The following FAIM2 variants were observed in gnomAD, a reference collection of about 807,000 sequenced individuals.
FAIM2 encodes the protein protein lifeguard 2.
A neutral mutation model predicts 47.4 loss-of-function variants in FAIM2; 27 were observed. The observed-to-expected ratio is 0.57, with a 90% CI of 0.42 to 0.78. The LOEUF is 0.78. Ranked by LOEUF, FAIM2 falls within the 30% of genes least tolerant of loss-of-function variation. The pLI is 0.00. For synonymous variants in FAIM2, 156 were observed against 159.3 expected, an observed-to-expected ratio of 0.98 and a Z score of 0.16; for missense variants, 311 against 389.4, an observed-to-expected ratio of 0.80 and a Z score of 1.69.
In FAIM2 at chr12:49,870,625, A is replaced by G. The variant is rs1166967125; in HGVS notation, c.830T>C (p.Met277Thr). ...LFLALDTQLL[M>T]GNRRHSLSPE... Reference sequence around the variant, plus strand: ...GCTCAGCGAGTGGCGTCGGTTACCCATCAGCAACTGGGTGTCAAGTGCCAG... The same window carrying G: ...GCTCAGCGAGTGGCGTCGGTTACCCGTCAGCAACTGGGTGTCAAGTGCCAG... Residue 277 changes from methionine (M) to threonine (T), a missense_variant, in exon 12 of 12, where the codon ATG becomes ACG. By Grantham distance (81) the Met-to-Thr change is moderately conservative (BLOSUM62 -1). Transcript: ENST00000320634. 5 of 1,613,928 alleles carry G rather than the reference A, an allele frequency of 3.1e-6. No individual in the cohort carries two copies. The African/African-American group carries it at 4.0e-5, about 13-fold the overall frequency.
chr12:49,896,885 GC>G (rs1474812285), intron 5 of FAIM2, 145 bp downstream of exon 5: 3 of 715,566 alleles, frequency 4.2e-6, no homozygotes, highest in Non-Finnish European at 5.1e-6. Context: ...ACAGAATGGG[GC>G]AGGGTTGGAG....
At chr12:49,881,144 G>C (rs1398608906) in intron 11 of FAIM2, among the ~76,000 whole-genome samples, 1 of 152,158 alleles carries the variant, frequency 6.6e-6, no homozygotes, top group African/African-American at 2.4e-5. Flanking sequence ...TAGGCTTGCA[G>C]CATCCAGTAC....
rs1946684269 is a variant in FAIM2, at chr12:49,869,163, T to G, written c.*1341A>C. Reference sequence around the variant, plus strand: ...CGCTCCCCCAGTGTGGCCTCCTGGTTCCCTCCCCACAGGCGCCCCTCTGGG... The same window carrying G: ...CGCTCCCCCAGTGTGGCCTCCTGGTGCCCTCCCCACAGGCGCCCCTCTGGG... On this transcript the variant is annotated 3_prime_UTR_variant, in exon 12 of 12. Coordinates refer to ENST00000320634, the MANE Select transcript of FAIM2 (RefSeq NM_012306.4). 1 of 152,740 alleles carries G rather than the reference T, an allele frequency of 6.5e-6. No individual in the cohort carries two copies. Among genetic ancestry groups the G allele is most frequent in the Admixed American group, 6.5e-5 (1 of 15,268 alleles). The allele number at this position is 152,740 out of a possible 1,614,324, so 9.5% of individuals were successfully genotyped here.
At chr12:49,880,262 G>T (rs1298022274) in intron 11 of FAIM2, among the ~76,000 whole-genome samples, 3 of 151,718 alleles carry the variant, frequency 2.0e-5, no homozygotes, top group Non-Finnish European at 2.9e-5. Context: ...GTGTATATGT[G>T]CGTATGTGTA....
Position 49,880,278 on chromosome 12 carries a change from A to G in FAIM2, c.801+7108T>C, listed in dbSNP as rs1946803979. On this transcript the variant is annotated intron_variant, in intron 11 of 11. Transcript: ENST00000320634. Reference sequence around the variant, plus strand: ...TGTATATGTGCGTATGTGTATATGTATGCATATGAGTGTATCTGTGTATGT... The same window carrying G: ...TGTATATGTGCGTATGTGTATATGTGTGCATATGAGTGTATCTGTGTATGT... Among the ~76,000 whole-genome samples, 7 of 147,166 alleles carry G rather than the reference A, an allele frequency of 4.8e-5. No individual in the cohort carries two copies. In the South Asian group the frequency reaches 1.5e-3, roughly 32 times the overall value.
At chr12:49,877,727 T>G (rs900616690) in intron 11 of FAIM2, among the ~76,000 whole-genome samples, 12 of 127,930 alleles carry the variant, frequency 9.4e-5, no homozygotes, top group African/African-American at 3.6e-4. Flanking sequence ...ACACGGCATG[T>G]GGGTATGTGT....
At chr12:49,897,727 G>T in intron 3 of FAIM2, 144 bp from the exon 4 acceptor site, 1 of 671,274 alleles carries the variant, frequency 1.5e-6, no homozygotes, top group Non-Finnish European at 2.6e-6. Context: ...CCCAGGGCAA[G>T]GCGAAAGGAA....
At chr12:49,880,496 G>GTGTGTATA (rs1555158556) in intron 11 of FAIM2, among the ~76,000 whole-genome samples, 17 of 149,602 alleles carry the variant, frequency 1.1e-4, no homozygotes, top group East Asian at 4.0e-4. Flanking sequence ...GCATGTGTAT[G>GTGTGTATA]TGTGTGTATG....
At chr12:49,879,175 A>T (rs1479591700) in intron 11 of FAIM2, among the ~76,000 whole-genome samples, 3 of 113,126 alleles carry the variant, frequency 2.7e-5, no homozygotes, top group Non-Finnish European at 5.4e-5. Context: ...TGTGTGCATG[A>T]GTGCATGTGT....
chr12:49,878,718 G>GTGCA lies in FAIM2; in HGVS notation c.802-8066_802-8065insTGCA, dbSNP rs555747879. Among the ~76,000 whole-genome samples, 2 of 120,338 alleles carry GTGCA rather than the reference G, an allele frequency of 1.7e-5. 1 individual carries two copies. The highest frequency in any genetic ancestry group is 7.0e-5 in the African/African-American group (2 of 28,408). 78.9% of individuals were successfully genotyped at this position (120,338 alleles called of 152,430 possible). A position where few individuals can be genotyped will look rare whatever the true frequency, so the allele number is the denominator to read the frequency against. On this transcript the variant is annotated intron_variant, in intron 11 of 11. Coordinates refer to ENST00000320634, the MANE Select transcript of FAIM2 (RefSeq NM_012306.4). ...TATGTGCATGTGTGCATATATGCGT[G>GTGCA]TGTGTCTGTGTGCATGTGAGTGTAT...
Position 49,903,826 on chromosome 12 carries a change from C to G in FAIM2, c.-34G>C. The G allele has an allele frequency of 6.6e-7, 1 of 1,526,372 alleles. No homozygotes were observed. Among genetic ancestry groups the G allele is most frequent in the Non-Finnish European group, 8.8e-7 (1 of 1,135,316 alleles). 94.6% of individuals were successfully genotyped at this position (1,526,372 alleles called of 1,614,324 possible). On this transcript the variant is annotated 5_prime_UTR_variant, in exon 1 of 12. Transcript: ENST00000320634. Reference sequence around the variant, plus strand: ...CTCTCGGGGAAGGGGTCCCTGAGGCCCGGGTGGCCGCTTGGGTAACCGCAG... The same window carrying G: ...CTCTCGGGGAAGGGGTCCCTGAGGCGCGGGTGGCCGCTTGGGTAACCGCAG...
At chr12:49,880,250 A>G (rs1263504440) in intron 11 of FAIM2, among the ~76,000 whole-genome samples, 2 of 147,200 alleles carry the variant, frequency 1.4e-5, no homozygotes, top group African/African-American at 2.5e-5. Context: ...GTGTATGTTC[A>G]TGTGTATATG....
rs371255968 is a variant in FAIM2, at chr12:49,903,860, C to A, written c.-68G>T. On this transcript the variant is annotated 5_prime_UTR_variant, in exon 1 of 12. Transcript: ENST00000320634. ...CGCTTGGGTAACCGCAGCCTGCCTG[C>A]GTCTCTTCCTTCCTCCGCGTGGGTT... 6 of 1,453,822 alleles carry A rather than the reference C, an allele frequency of 4.1e-6. No individual in the cohort carries two copies. The African/African-American group carries it at 7.2e-5, about 17-fold the overall frequency. The allele number at this position is 1,453,822 out of a possible 1,614,324, so 90.1% of individuals were successfully genotyped here. A position where few individuals can be genotyped will look rare whatever the true frequency, so the allele number is the denominator to read the frequency against.
rs1224653542 is a variant in FAIM2, at chr12:49,868,630, T to G, written c.*1874A>C. 2.0e-5 allele frequency: 3 copies of G among 152,226 alleles called. No homozygotes were observed. In the East Asian group the frequency reaches 5.8e-4, roughly 29 times the overall value. The allele number at this position is 152,226 out of a possible 1,614,324, so 9.4% of individuals were successfully genotyped here. A position where few individuals can be genotyped will look rare whatever the true frequency, so the allele number is the denominator to read the frequency against. ...GGGCAAGCGTGATACCCTGTTTGCTTGAGGCAGCTGTGGGTCTGAACCCCA... is the reference window on the plus strand; with the variant it reads ...GGGCAAGCGTGATACCCTGTTTGCTGGAGGCAGCTGTGGGTCTGAACCCCA... On this transcript the variant is annotated 3_prime_UTR_variant, in exon 12 of 12. Coordinates refer to ENST00000320634, the MANE Select transcript of FAIM2 (RefSeq NM_012306.4).
intron 11 of FAIM2, among the ~76,000 whole-genome samples, chr12:49,880,504 A>G (rs1316753931): frequency 1.3e-4 from 17 of 135,690 alleles, no homozygotes; most frequent in South Asian, 9.4e-4. Flanking sequence ...ATGTGTGTGT[A>G]TGAGTGTGTA....
intron 2 of FAIM2, 39 bp downstream of exon 2, chr12:49,901,091 C>T: frequency 6.7e-7 from 1 of 1,499,080 alleles, no homozygotes; most frequent in South Asian, 1.3e-5. Context: ...TCCACCCCCA[C>T]CCCATGATGC....
At chr12:49,891,245 G>C in intron 5 of FAIM2, 131 bp from the exon 6 acceptor site, 1 of 790,476 alleles carries the variant, frequency 1.3e-6, no homozygotes, top group Non-Finnish European at 2.1e-6. Flanking sequence ...GGGAGGCCAC[G>C]GTCATCCTAG....
chr12:49,901,366 A>T, intron 1 of FAIM2, 41 bp from the exon 2 acceptor site: 1 of 1,447,280 alleles, frequency 6.9e-7, no homozygotes, highest in East Asian at 2.6e-5. Flanking sequence ...CACCAGGGAA[A>T]GGGAGCCTTC....
intron 11 of FAIM2, among the ~76,000 whole-genome samples, chr12:49,876,598 C>CT (rs1444045574): frequency 1.5e-5 from 2 of 130,588 alleles, no homozygotes; most frequent in African/African-American, 3.0e-5. Context: ...CCCGTCTCTA[C>CT]TAAAAAAAAA....
Sources: gnomAD v4.1 joint callset for allele counts (sites outside exome capture counted in the v4.1 genomes callset) on GRCh38, gnomAD v4.1.1 for gene constraint, MANE v1.5 for transcripts, NCBI Gene and HGNC (gene_info 2026-07-23, HGNC 2026-07-21) for gene names.